The following GCM1 variants were observed in gnomAD, a reference collection of about 807,000 sequenced individuals.
GCM1 encodes GCM transcription factor 1.
Under a neutral mutation model 25.7 loss-of-function variants are expected in GCM1, and 2 were observed. That is an observed-to-expected ratio of 0.08 (90% CI 0.03 to 0.24). GCM1 has a LOEUF of 0.24. Ranked by LOEUF, GCM1 falls within the 10% of genes least tolerant of loss-of-function variation. The pLI is 1.00. For synonymous variants in GCM1, 183 were observed against 195.7 expected (o/e 0.94, Z 0.54); for missense variants, 395 against 538.7 (o/e 0.73, Z 2.64).
intron 2 of GCM1, among the ~76,000 whole-genome samples, chr6:53,144,945 G>GAAAGA (rs1233375666): frequency 8.4e-5 from 8 of 94,758 alleles, no homozygotes; most frequent in Non-Finnish European, 1.3e-4. Context: ...AGAGGAAGAA[G>GAAAGA]AAAGAAAAGA....
At chr6:53,133,708 G>A (rs2127508640) in intron 3 of GCM1, among the ~76,000 whole-genome samples, 1 of 152,170 alleles carries the variant, frequency 6.6e-6, no homozygotes, top group Non-Finnish European at 1.5e-5. Flanking sequence ...TGCCCCGGCT[G>A]GTCTGGAACA....
At chr6:53,143,562 CA>C (rs1006172437) in intron 2 of GCM1, among the ~76,000 whole-genome samples, 11 of 152,122 alleles carry the variant, frequency 7.2e-5, no homozygotes, top group African/African-American at 2.7e-4. Flanking sequence ...TTGGGTGTTG[CA>C]ATCATGAAGT....
intron 4 of GCM1, among the ~76,000 whole-genome samples, chr6:53,131,674 C>T (rs765972858): frequency 9.2e-5 from 14 of 152,084 alleles, no homozygotes; most frequent in South Asian, 6.2e-4. Flanking sequence ...GTTTAAAGAC[C>T]GAGTAAAAAG....
At chr6:53,139,725 G>T (rs1410726930) in intron 2 of GCM1, among the ~76,000 whole-genome samples, 1 of 152,044 alleles carries the variant, frequency 6.6e-6, no homozygotes, top group Non-Finnish European at 1.5e-5. Context: ...GCCAGCCATG[G>T]TGGCACATGC....
At chr6:53,141,721 A>C (rs994886432) in intron 2 of GCM1, among the ~76,000 whole-genome samples, 16 of 148,934 alleles carry the variant, frequency 1.1e-4, no homozygotes, top group African/African-American at 4.0e-4. Context: ...AGAAACTTGA[A>C]GCCCGGGTGC....
In GCM1 at chr6:53,128,218, A is replaced by G. The variant is rs765868524; in HGVS notation, c.1299T>C (p.Cys433=). The stretch of plus-strand genomic sequence containing the variant: ...TGAAAGATTTGGGTCATCTCAAAGG[A>G]CACAGGTTCAGAAGCATATCATTGT... ...HCNNDMLLNL[C]PLR The change falls in exon 6 of 6, where the codon TGT becomes TGC. Residue 433 remains cysteine (C), a synonymous_variant. Coordinates refer to ENST00000259803, the MANE Select transcript of GCM1 (RefSeq NM_003643.4). 6.2e-7 allele frequency: 1 copy of G among 1,606,574 alleles called. No individual in the cohort carries two copies. Among genetic ancestry groups the G allele is most frequent in the South Asian group, 1.1e-5 (1 of 91,048 alleles).
At chr6:53,144,626 TACAC>T (rs10561078) in intron 2 of GCM1, among the ~76,000 whole-genome samples, 3 of 145,476 alleles carry the variant, frequency 2.1e-5, no homozygotes, top group Admixed American at 6.7e-5. Context: ...GCCCTGACTC[TACAC>T]ACACACACAC....
intron 2 of GCM1, among the ~76,000 whole-genome samples, chr6:53,134,964 G>T (rs191834738): frequency 1.3e-5 from 2 of 152,210 alleles, no homozygotes; most frequent in East Asian, 3.8e-4. Context: ...AGATCAAAGA[G>T]CCACTTTCTT....
intron 2 of GCM1, among the ~76,000 whole-genome samples, chr6:53,135,249 T>C (rs1378383024): frequency 1.3e-5 from 2 of 152,218 alleles, no homozygotes; most frequent in East Asian, 1.9e-4. Context: ...GACTGTACTA[T>C]GCACTTAAAC....
intron 1 of GCM1, among the ~76,000 whole-genome samples, chr6:53,147,741 A>G (rs1763984085): frequency 6.6e-6 from 1 of 151,990 alleles, no homozygotes; most frequent in African/African-American, 2.4e-5. Context: ...TTCTTTAGTT[A>G]TTTAGTGTTA....
intron 1 of GCM1, among the ~76,000 whole-genome samples, chr6:53,146,377 G>A (rs961059188): frequency 1.3e-5 from 2 of 151,600 alleles, no homozygotes; most frequent in South Asian, 2.1e-4. Flanking sequence ...GTGCCACCAC[G>A]CACAGCTGAT....
intron 1 of GCM1, among the ~76,000 whole-genome samples, chr6:53,146,212 ATATATTTTT>A (rs1018143593): frequency 1.6e-4 from 9 of 57,882 alleles, no homozygotes; most frequent in African/African-American, 6.2e-4. Flanking sequence ...ATATATATAT[ATATATTTTT>A]TTTTTTTTTT....
chr6:53,134,247 A>G lies in GCM1; in HGVS notation c.153T>C (p.Asn51=). ...CCCAGCTGCTCAGGTGCCGCTGCGC[A>G]TTCTTGTCCTCCGAGCTGTAGATGT... ...AKHIYSSEDK[N]AQRHLSSWAM... The change falls in exon 3 of 6, where the codon AAT becomes AAC. Residue 51 remains asparagine, a synonymous_variant. Coordinates refer to ENST00000259803, the MANE Select transcript of GCM1 (RefSeq NM_003643.4). 1.2e-6 allele frequency: 2 copies of G among 1,614,114 alleles called. No homozygotes were observed. Among genetic ancestry groups the G allele is most frequent in the South Asian group, 1.1e-5 (1 of 91,082 alleles).
At position 53,127,605 on chromosome 6, in the gene GCM1, A is replaced by C. The variant is rs1043241677; in HGVS notation, c.*601T>G. Reference sequence around the variant, plus strand: ...ATGCAATGTGGCTGAGGTGCTGGGAACCCCAAACAATGTGGGGGAAAAAGC... The same window carrying C: ...ATGCAATGTGGCTGAGGTGCTGGGACCCCCAAACAATGTGGGGGAAAAAGC... On this transcript the variant is annotated 3_prime_UTR_variant, in exon 6 of 6. Coordinates refer to ENST00000259803, the MANE Select transcript of GCM1 (RefSeq NM_003643.4). 5 of 152,278 alleles carry C rather than the reference A, an allele frequency of 3.3e-5. No individual in the cohort carries two copies. Among genetic ancestry groups the C allele is most frequent in the African/African-American group, 1.2e-4 (5 of 41,448 alleles). The allele number at this position is 152,278 out of a possible 1,614,324, so 9.4% of individuals were successfully genotyped here. A position where few individuals can be genotyped will look rare whatever the true frequency, so the allele number is the denominator to read the frequency against.
At chr6:53,139,750 A>G (rs1429099175) in intron 2 of GCM1, among the ~76,000 whole-genome samples, 3 of 152,140 alleles carry the variant, frequency 2.0e-5, no homozygotes, top group African/African-American at 7.2e-5. Flanking sequence ...AGTCCCAGCT[A>G]CACGGGAGGC....
rs1282272349 is a variant in GCM1, at chr6:53,128,172, G to A, written c.*34C>T. The A allele has an allele frequency of 6.5e-7, 1 of 1,529,702 alleles. No individual in the cohort carries two copies. Among genetic ancestry groups the A allele is most frequent in the Admixed American group, 2.0e-5 (1 of 51,214 alleles). 94.8% of individuals were successfully genotyped at this position (1,529,702 alleles called of 1,614,324 possible). A position where few individuals can be genotyped will look rare whatever the true frequency, so the allele number is the denominator to read the frequency against. On this transcript the variant is annotated 3_prime_UTR_variant, in exon 6 of 6. Transcript: ENST00000259803. ...ATTCTTTCAGCCCTTCCCCATTTTT[G>A]AGGGGCTGGGGTGCACATAGTGAAA... is the stretch of plus-strand genomic sequence containing the variant.
rs1562087884 is a variant in GCM1, at chr6:53,132,126, A to C, written c.329-7T>G. 2.5e-6 allele frequency: 4 copies of C among 1,573,838 alleles called. No individual in the cohort carries two copies. Among genetic ancestry groups the C allele is most frequent in the Non-Finnish European group, 3.5e-6 (4 of 1,143,360 alleles). On this transcript the variant is annotated splice_polypyrimidine_tract_variant and splice_region_variant and intron_variant, in intron 3 of 5. Transcript: ENST00000259803. ...CAGTTGGGACAGCGTTTCCCTACAA[A>C]AGAGCAGAGGAAAATGACCACACCT...
At chr6:53,145,442 G>C in intron 2 of GCM1, 116 bp downstream of exon 2, 1 of 737,462 alleles carries the variant, frequency 1.4e-6, no homozygotes, top group East Asian at 2.6e-5. Context: ...GAAACTCTAG[G>C]GGAGAGGAAT....
At position 53,134,122 on chromosome 6, in the gene GCM1, T is replaced by C. The variant is rs949545804; in HGVS notation, c.278A>G (p.Lys93Arg). Reference sequence around the variant, plus strand: ...ACAGATGGCAGGTCTCAGGTAGATCTTGCGCCCCTCCTCTGCGAGACAGTC... The same window carrying C: ...ACAGATGGCAGGTCTCAGGTAGATCCTGCGCCCCTCCTCTGCGAGACAGTC... ...GRDCLAEEGR[K>R]IYLRPAICDK... The change falls in exon 3 of 6, where the codon AAG becomes AGG. Residue 93 changes from lysine (K) to arginine (R), a missense_variant. By Grantham distance (26) the Lys-to-Arg change is conservative. This residue lies in a region of GCM1 where 21 missense variants were observed against 22.9 expected (regional missense o/e 0.92). Coordinates refer to ENST00000259803, the MANE Select transcript of GCM1 (RefSeq NM_003643.4). 1 of 1,614,168 alleles carries C rather than the reference T, an allele frequency of 6.2e-7. No homozygotes were observed. Among genetic ancestry groups the C allele is most frequent in the Non-Finnish European group, 8.5e-7 (1 of 1,180,018 alleles).
Sources: allele counts gnomAD v4.1 joint callset (sites outside exome capture counted in the v4.1 genomes callset), GRCh38; gene constraint gnomAD v4.1.1; regional missense constraint gnomAD v4.1.1; transcripts MANE v1.5; gene names NCBI Gene and HGNC (gene_info 2026-07-23, HGNC 2026-07-21).